UHRF1: variants seen among roughly 807,000 people sequenced by gnomAD.
UHRF1 encodes the protein ubiquitin like with PHD and ring finger domains 1.
In UHRF1, 9 loss-of-function variants were observed where a neutral mutation model predicts 96.5. That is an observed-to-expected ratio of 0.09 (90% CI 0.06 to 0.16). The LOEUF is 0.16. Ranked by LOEUF, UHRF1 falls within the 10% of genes least tolerant of loss-of-function variation. The pLI, the probability that UHRF1 is intolerant of heterozygous loss-of-function variation, is 1.00. For missense variants in UHRF1, 626 were observed against 1,131.1 expected (o/e 0.55, Z 6.40); for synonymous variants, 455 against 469.9 (o/e 0.97, Z 0.41).
intron 2 of UHRF1, among the ~76,000 whole-genome samples, chr19:4,921,042 T>G (rs1898121877): frequency 6.6e-6 from 1 of 151,850 alleles, no homozygotes; most frequent in South Asian, 2.1e-4. Flanking sequence ...GAGAATCGCT[T>G]GAACCCAGGA....
At position 4,945,872 on chromosome 19, in the gene UHRF1, G is replaced by A. The variant is rs369224803; in HGVS notation, c.1317G>A (p.Ser439=). 48 of 1,607,652 alleles carry A rather than the reference G, an allele frequency of 3.0e-5. No individual in the cohort carries two copies. In the Admixed American group the frequency reaches 4.5e-4, roughly 15 times the overall value. Reference sequence around the variant, plus strand: ...GGTGGCATCCTCAGGTCAGCGAGTCGGGTGTCCATCGGCCCCACGTGGCTG... The same window carrying A: ...GGTGGCATCCTCAGGTCAGCGAGTCAGGTGTCCATCGGCCCCACGTGGCTG... The part of the protein sequence containing the change: ...MWRFRVQVSE[S]GVHRPHVAGI... The change falls in exon 10 of 17, where the codon TCG becomes TCA. Residue 439 remains serine, a synonymous_variant. Coordinates refer to ENST00000650932, the MANE Select transcript of UHRF1 (RefSeq NM_001048201.3).
chr19:4,940,664 C>A (rs547304138), intron 5 of UHRF1, among the ~76,000 whole-genome samples: 15 of 150,820 alleles, frequency 9.9e-5, no homozygotes, highest in Non-Finnish European at 1.5e-4. Context: ...CGGTGCCCAA[C>A]TTGATTTATT....
chr19:4,912,762 TTTG>T (rs1323672987), intron 2 of UHRF1, among the ~76,000 whole-genome samples: 3 of 152,224 alleles, frequency 2.0e-5, no homozygotes, highest in South Asian at 2.1e-4. Context: ...ATTGATTTTT[TTTG>T]TTGTTGTTCC....
rs571311677 is a variant in UHRF1, at chr19:4,926,296, C to T, written c.154-2926C>T. 5.9e-5 allele frequency among the ~76,000 whole-genome samples: 9 copies of T among 152,304 alleles called. No homozygotes were observed. The South Asian group carries it at 1.7e-3, about 28-fold the overall frequency. ...CGTGTACAGGTTGACGTGCCTCTTCCTCTCCATCCGTGCCACCTCTCCCCA... is the reference window on the plus strand; with the variant it reads ...CGTGTACAGGTTGACGTGCCTCTTCTTCTCCATCCGTGCCACCTCTCCCCA... On this transcript the variant is annotated intron_variant, in intron 2 of 16. Transcript: ENST00000650932.
intron 2 of UHRF1, among the ~76,000 whole-genome samples, chr19:4,926,728 G>T (rs1028647590): frequency 1.3e-5 from 2 of 151,310 alleles, no homozygotes; most frequent in Admixed American, 6.6e-5. Flanking sequence ...TTGCACCACT[G>T]CCCTCCATCC....
chr19:4,914,006 G>A (rs2032392912), intron 2 of UHRF1, among the ~76,000 whole-genome samples: 1 of 151,374 alleles, frequency 6.6e-6, no homozygotes, highest in Non-Finnish European at 1.5e-5. Flanking sequence ...GTAGAGATGG[G>A]GTTTCTCCAT....
chr19:4,904,185 GT>G (rs534038745), intron 1 of UHRF1, among the ~76,000 whole-genome samples: 4 of 142,742 alleles, frequency 2.8e-5, no homozygotes, highest in South Asian at 2.3e-4. Context: ...TTTTGTTTTT[GT>G]TTTTTTTTTG....
intron 5 of UHRF1, among the ~76,000 whole-genome samples, chr19:4,937,738 G>A (rs1462157564): frequency 6.6e-6 from 1 of 152,158 alleles, no homozygotes; most frequent in Non-Finnish European, 1.5e-5. Context: ...GTCTTTGTTG[G>A]TTGGTCAATA....
At chr19:4,909,379 C>T, upstream of UHRF1, 1 of 623,414 alleles carries the variant, frequency 1.6e-6, no homozygotes, top group Non-Finnish European at 2.9e-6. Flanking sequence ...CGGGGGCGCC[C>T]CCCACCCTCT....
In UHRF1 at chr19:4,918,821, A is replaced by G. The variant is rs961566028; in HGVS notation, c.153+7783A>G. On this transcript the variant is annotated intron_variant, in intron 2 of 16. Transcript: ENST00000650932. ...CTGCAGCCTCGAATTCCTGAGCTCAAGTGATCCTCCTGCCTCAGCCTCGCA... is the reference window on the plus strand; with the variant it reads ...CTGCAGCCTCGAATTCCTGAGCTCAGGTGATCCTCCTGCCTCAGCCTCGCA... Among the ~76,000 whole-genome samples, 12 of 150,438 alleles carry G rather than the reference A, an allele frequency of 8.0e-5. No individual in the cohort carries two copies. In the Admixed American group the frequency reaches 8.0e-4, roughly 10 times the overall value.
chr19:4,923,046 G>A (rs2779162), intron 2 of UHRF1, among the ~76,000 whole-genome samples: 36,721 of 151,950 alleles, frequency 0.24, 4,804 homozygotes, highest in Middle Eastern at 0.38. Context: ...CTGCTCCTGC[G>A]GGTCAGGGGC....
At position 4,930,243 on chromosome 19, in the gene UHRF1, G is replaced by A. The variant is rs1363258774; in HGVS notation, c.409-473G>A. Among the ~76,000 whole-genome samples the A allele has an allele frequency of 6.6e-6, 1 of 152,158 alleles. No individual in the cohort carries two copies. The highest frequency in any genetic ancestry group is 2.4e-5 in the African/African-American group (1 of 41,434). On this transcript the variant is annotated intron_variant, in intron 3 of 16. Transcript: ENST00000650932. This position sits in a 1 kb window ranked among gnomAD's most constrained non-coding sequence, Gnocchi z 4.4. ...TCCCGCCGCAGCCTCCCAAAGTGCT[G>A]GAATTATAGGTGTGAGCCACTGCAC...
intron 10 of UHRF1, among the ~76,000 whole-genome samples, 194 bp downstream of exon 10, chr19:4,946,159 G>A (rs1215966562): frequency 9.5e-5 from 14 of 147,454 alleles, no homozygotes; most frequent in Non-Finnish European, 1.5e-5. Context: ...AAACTGAAAC[G>A]TTGTCTCCAC....
rs200130757 is a variant in UHRF1 at position 4,930,836 on chromosome 19, G to T, written c.529G>T (p.Ala177Ser). 1.9e-3 allele frequency: 3,104 copies of T among 1,614,004 alleles called. 5 individuals are homozygous for T. The highest frequency in any genetic ancestry group is 2.7e-3 in the Admixed American group (160 of 60,028). The part of the protein sequence containing the change: ...DEPCSSTSRP[A>S]LEEDVIYHVK... Reference sequence around the variant, plus strand: ...GCCCTGCAGCTCCACGTCCAGGCCGGCGCTGGAGGAGGACGTCATTTACCA... The same window carrying T: ...GCCCTGCAGCTCCACGTCCAGGCCGTCGCTGGAGGAGGACGTCATTTACCA... The change falls in exon 4 of 17, where the codon GCG becomes TCG. Residue 177 changes from alanine (A) to serine (S), a missense_variant. Transcript: ENST00000650932. This position sits in a 1 kb window ranked among gnomAD's most constrained non-coding sequence, Gnocchi z 4.4.
chr19:4,956,215 G>A (rs2033852664), intron 15 of UHRF1, among the ~76,000 whole-genome samples: 1 of 152,208 alleles, frequency 6.6e-6, no homozygotes, highest in African/African-American at 2.4e-5. Flanking sequence ...ACAGGCGTGA[G>A]CCACCATGCC....
At chr19:4,909,313 G>A, upstream of UHRF1, 1 of 549,594 alleles carries the variant, frequency 1.8e-6, no homozygotes, top group South Asian at 2.2e-5. Flanking sequence ...GCCCAGCAGA[G>A]CGCGCAGGGC....
chr19:4,959,127 A>G (rs1448243466), intron 16 of UHRF1, among the ~76,000 whole-genome samples: 4 of 151,686 alleles, frequency 2.6e-5, no homozygotes, highest in African/African-American at 9.7e-5. Context: ...GGCTACAGGC[A>G]TACACCACCA....
chr19:4,949,133 AAG>A (rs1287606594), intron 11 of UHRF1, among the ~76,000 whole-genome samples: 1 of 151,862 alleles, frequency 6.6e-6, no homozygotes, highest in East Asian at 1.9e-4. Context: ...AAAAAAAAAA[AAG>A]AGAATATGGA....
chr19:4,909,891 TGGG>T (rs1443089262), intron 1 of UHRF1: 28 of 368,330 alleles, frequency 7.6e-5, no homozygotes, highest in Admixed American at 4.7e-4. Flanking sequence ...GCGCGCCGGG[TGGG>T]GGAGGGCCTG....
Sources: gnomAD v4.1 joint callset for allele counts (sites outside exome capture counted in the v4.1 genomes callset) on GRCh38, gnomAD v4.1.1 for gene constraint, Gnocchi (gnomAD v3.1) non-coding constraint, MANE v1.5 for transcripts, NCBI Gene and HGNC (gene_info 2026-07-23, HGNC 2026-07-21) for gene names.